MTAP: variants seen among roughly 807,000 people sequenced by gnomAD.
MTAP encodes the protein S-methyl-5'-thioadenosine phosphorylase.
A neutral mutation model predicts 33.6 loss-of-function variants in MTAP; 33 were observed. The ratio of observed to expected loss-of-function variants is 0.98; its 90% confidence interval spans 0.74 to 1.31. MTAP has a LOEUF of 1.31. MTAP is among the 40% of genes most tolerant of loss of function. The probability of loss-of-function intolerance (pLI) is 0.00; values close to 1 mark genes in which losing one functional copy is unlikely to be tolerated. For missense variants in MTAP, 367 were observed against 360.0 expected, an observed-to-expected ratio of 1.02 and a Z score of -0.16; for synonymous variants, 148 against 125.7, an observed-to-expected ratio of 1.18 and a Z score of -1.19.
intron 4 of MTAP, among the ~76,000 whole-genome samples, chr9:21,831,548 A>G (rs1824967338): frequency 6.6e-6 from 1 of 151,956 alleles, no homozygotes; most frequent in Non-Finnish European, 1.5e-5. Context: ...GCTGGTTTCA[A>G]ACTCCTGGCC....
At chr9:21,837,596 T>C (rs1489400770) in intron 4 of MTAP, among the ~76,000 whole-genome samples, 1 of 152,216 alleles carries the variant, frequency 6.6e-6, no homozygotes, top group Non-Finnish European at 1.5e-5. Flanking sequence ...ACTTCTTAAG[T>C]GTCTTACCTG....
At chr9:21,906,873 A>G (rs1397313008) in intron 1 of MTAP, among the ~76,000 whole-genome samples, 1 of 152,248 alleles carries the variant, frequency 6.6e-6, no homozygotes, top group African/African-American at 2.4e-5. Context: ...TTAAAAATAA[A>G]TGCTTTTTGC....
chr9:21,866,283 C>A lies in MTAP; in HGVS notation c.*4269C>A, dbSNP rs369020018. Reference sequence around the variant, plus strand: ...GAATTGTTTATATATTCTGGATACACTCTTTTTCAGATATGTGTGTTGTGA... The same window carrying A: ...GAATTGTTTATATATTCTGGATACAATCTTTTTCAGATATGTGTGTTGTGA... On this transcript the variant is annotated 3_prime_UTR_variant, in exon 8 of 8. Transcript: ENST00000644715. 19 of 152,274 alleles carry A rather than the reference C, an allele frequency of 1.2e-4. No homozygotes were observed. In the East Asian group the frequency reaches 2.1e-3, roughly 17 times the overall value. 9.4% of individuals were successfully genotyped at this position (152,274 alleles called of 1,614,324 possible).
At chr9:21,930,766 G>A (rs1463400480) in intron 1 of MTAP, 14 of 708,912 alleles carry the variant, frequency 2.0e-5, no homozygotes, top group Non-Finnish European at 3.2e-5. Context: ...GATGAAAAAT[G>A]TTGCTTTTGG....
chr9:21,930,763 A>C (rs12002708), intron 1 of MTAP: 12,555 of 705,270 alleles, frequency 0.018, 791 homozygotes, highest in African/African-American at 0.14. Flanking sequence ...TTAGATGAAA[A>C]ATGTTGCTTT....
chr9:21,828,770 A>G (rs1420530536), intron 4 of MTAP, among the ~76,000 whole-genome samples: 1 of 152,224 alleles, frequency 6.6e-6, no homozygotes, highest in Non-Finnish European at 1.5e-5. Flanking sequence ...TTTTGAATAT[A>G]TTAGGTTAGA....
At chr9:21,896,910 CCT>C (rs1351850320) in intron 1 of MTAP, among the ~76,000 whole-genome samples, 1 of 152,148 alleles carries the variant, frequency 6.6e-6, no homozygotes, top group Non-Finnish European at 1.5e-5. Flanking sequence ...GATACCAAAG[CCT>C]GGCAGAGACA....
chr9:21,924,741 A>G (rs1168100584), intron 1 of MTAP, among the ~76,000 whole-genome samples: 1 of 152,132 alleles, frequency 6.6e-6, no homozygotes, highest in African/African-American at 2.4e-5. Flanking sequence ...TTCCCTACCC[A>G]GGGCCATCCT....
At chr9:21,811,899 G>A (rs773706312) in intron 1 of MTAP, 1 of 377,334 alleles carries the variant, frequency 2.7e-6, no homozygotes, top group Non-Finnish European at 5.3e-6. Context: ...GTCACACACA[G>A]CTGTTTTTAT....
chr9:21,872,926 C>T (rs1825957681), intron 1 of MTAP, among the ~76,000 whole-genome samples: 1 of 152,128 alleles, frequency 6.6e-6, no homozygotes, highest in South Asian at 2.1e-4. Context: ...CAGTTCATGC[C>T]TGGTAAGGAT....
At chr9:21,823,699 C>T (rs1235895175) in intron 4 of MTAP, among the ~76,000 whole-genome samples, 1 of 152,222 alleles carries the variant, frequency 6.6e-6, no homozygotes, top group Non-Finnish European at 1.5e-5. Flanking sequence ...TAATATCCTG[C>T]AGACTGTTTT....
At position 21,808,061 on chromosome 9, in the gene MTAP, A is replaced by C. The variant is rs373882805; in HGVS notation, c.33+5280A>C. On this transcript the variant is annotated intron_variant, in intron 1 of 7. Transcript: ENST00000644715. ...CACCTGGTCATTTGCTAGAAATGCAAGTTCATAGGCCCCACCCCAGTCCCA... is the reference window on the plus strand; with the variant it reads ...CACCTGGTCATTTGCTAGAAATGCACGTTCATAGGCCCCACCCCAGTCCCA... 3.9e-5 allele frequency among the ~76,000 whole-genome samples: 6 copies of C among 152,328 alleles called. No individual in the cohort carries two copies. The East Asian group carries it at 9.7e-4, about 25-fold the overall frequency.
At chr9:21,882,930 T>G (rs1414120487) in intron 1 of MTAP, among the ~76,000 whole-genome samples, 22 of 151,876 alleles carry the variant, frequency 1.4e-4, no homozygotes. Flanking sequence ...TGCAGCCAAA[T>G]ATGTTCAGAG....
intron 5 of MTAP, among the ~76,000 whole-genome samples, chr9:21,841,697 C>T (rs117808652): frequency 2.0e-5 from 3 of 148,364 alleles, no homozygotes; most frequent in Admixed American, 6.7e-5. Flanking sequence ...TGCAGTCCAG[C>T]TCTCAGGAAG....
intron 1 of MTAP, among the ~76,000 whole-genome samples, chr9:21,919,301 C>T (rs775956213): frequency 2.6e-5 from 4 of 152,198 alleles, no homozygotes; most frequent in Non-Finnish European, 4.4e-5. Flanking sequence ...CAATGTTGTT[C>T]ATCTACTTCC....
At chr9:21,858,116 T>C (rs980664747) in intron 6 of MTAP, among the ~76,000 whole-genome samples, 84 of 152,314 alleles carry the variant, frequency 5.5e-4, no homozygotes, top group African/African-American at 2.0e-3. Context: ...AAAATGGTGG[T>C]ATTTTAATTC....
intron 1 of MTAP, among the ~76,000 whole-genome samples, chr9:21,908,331 T>C (rs532841805): frequency 6.6e-6 from 1 of 152,300 alleles, no homozygotes; most frequent in South Asian, 2.1e-4. Context: ...TAGTGTTGTA[T>C]GGTATGGATA....
chr9:21,916,656 C>T (rs1818698763), intron 1 of MTAP, among the ~76,000 whole-genome samples: 1 of 151,998 alleles, frequency 6.6e-6, no homozygotes, highest in Non-Finnish European at 1.5e-5. Context: ...AAAAAAAATC[C>T]ATGTGAAGGT....
At chr9:21,826,182 C>T in intron 4 of MTAP, among the ~76,000 whole-genome samples, 1 of 124,806 alleles carries the variant, frequency 8.0e-6, no homozygotes, top group Non-Finnish European at 1.7e-5. Context: ...TTCAAGAGAA[C>T]ATTTTCTTTT....
Sources: gnomAD v4.1 joint callset for allele counts (sites outside exome capture counted in the v4.1 genomes callset) on GRCh38, gnomAD v4.1.1 for gene constraint, MANE v1.5 for transcripts, NCBI Gene and HGNC (gene_info 2026-07-23, HGNC 2026-07-21) for gene names.